RASA3: variants seen among roughly 807,000 people sequenced by gnomAD.
The protein encoded by RASA3 is RAS p21 protein activator 3, also known as ras GTPase-activating protein 3.
RASA3 carries 73 observed loss-of-function variants against 110.0 expected under a neutral mutation model. That is an observed-to-expected ratio of 0.66 (90% confidence interval 0.55 to 0.81). RASA3 has a LOEUF of 0.81. Among genes scored for constraint, RASA3 ranks in the 30% least tolerant of loss-of-function variants. The pLI is 0.00. For synonymous variants in RASA3, 500 were observed against 451.4 expected (o/e 1.11, Z -1.37); for missense variants, 976 against 1,113.2 (o/e 0.88, Z 1.75).
chr13:114,036,135 G>C (rs1176583584), intron 4 of RASA3: 1 of 152,242 alleles, frequency 6.6e-6, no homozygotes, highest in Admixed American at 6.5e-5. Context: ...CGGATGCCTC[G>C]CTGTCACAGG....
At chr13:114,099,299 C>A (rs538563592) in intron 1 of RASA3, among the ~76,000 whole-genome samples, 20 of 152,190 alleles carry the variant, frequency 1.3e-4, no homozygotes, top group African/African-American at 4.6e-4. Flanking sequence ...GAGGCCTGAG[C>A]CGGGGACGAA....
intron 2 of RASA3, among the ~76,000 whole-genome samples, chr13:114,063,843 T>C (rs916855167): frequency 6.6e-6 from 1 of 152,236 alleles, no homozygotes; most frequent in African/African-American, 2.4e-5. Context: ...CTTATAAATA[T>C]TTCTACAGTT....
intron 14 of RASA3, among the ~76,000 whole-genome samples, chr13:114,013,530 CTG>C (rs1224898453): frequency 1.4e-5 from 2 of 144,518 alleles, no homozygotes; most frequent in Non-Finnish European, 3.0e-5. Flanking sequence ...TCTCATCTCT[CTG>C]TCTCTCTCCC....
chr13:114,091,373 C>T (rs958138319), intron 1 of RASA3, among the ~76,000 whole-genome samples: 1 of 151,878 alleles, frequency 6.6e-6, no homozygotes, highest in African/African-American at 2.4e-5. Context: ...ACAGGCTCTA[C>T]CATTTTGAGG....
intron 21 of RASA3, 61 bp from the exon 22 acceptor site, chr13:113,992,649 A>C: frequency 8.1e-7 from 1 of 1,233,938 alleles, no homozygotes; most frequent in Non-Finnish European, 1.2e-6. Flanking sequence ...GCTTTTAATA[A>C]TGACATTCAT....
intron 2 of RASA3, among the ~76,000 whole-genome samples, chr13:114,053,030 TA>T: frequency 7.0e-6 from 1 of 142,280 alleles, no homozygotes; most frequent in East Asian, 2.1e-4. Context: ...TGACTGTGCT[TA>T]GAGTCCTGGC....
intron 18 of RASA3, among the ~76,000 whole-genome samples, chr13:114,001,868 C>T (rs1347698666): frequency 2.0e-5 from 3 of 152,268 alleles, no homozygotes; most frequent in African/African-American, 7.2e-5. Context: ...ACCAAACCTG[C>T]CCCCTCAGGG....
At chr13:114,043,863 G>GCA (rs1372627372) in intron 3 of RASA3, among the ~76,000 whole-genome samples, 1 of 5,968 alleles carries the variant, frequency 1.7e-4, no homozygotes, top group Admixed American at 2.1e-3. Flanking sequence ...CACTCGCTGA[G>GCA]CCCCCCCGCC....
intron 20 of RASA3, among the ~76,000 whole-genome samples, chr13:113,999,354 G>A (rs1334811425): frequency 6.6e-6 from 1 of 152,138 alleles, no homozygotes; most frequent in Non-Finnish European, 1.5e-5. Flanking sequence ...CTTCCGGCAG[G>A]TTCCACCCCA....
At chr13:114,023,867 A>C (rs1188771569) in intron 8 of RASA3, among the ~76,000 whole-genome samples, 1 of 152,248 alleles carries the variant, frequency 6.6e-6, no homozygotes, top group Non-Finnish European at 1.5e-5. Flanking sequence ...GAGGCCACCC[A>C]GCCGAGAGTT....
At chr13:114,045,941 G>A (rs1304303582) in intron 3 of RASA3, among the ~76,000 whole-genome samples, 3 of 71,114 alleles carry the variant, frequency 4.2e-5, no homozygotes, top group Admixed American at 1.5e-4. Flanking sequence ...AGACCCAAGC[G>A]TGTAAAGATA....
At chr13:114,090,273 T>C (rs1203237515) in intron 1 of RASA3, among the ~76,000 whole-genome samples, 1 of 152,248 alleles carries the variant, frequency 6.6e-6, no homozygotes, top group Non-Finnish European at 1.5e-5. Flanking sequence ...TTACCATGTC[T>C]CTACACCCTC....
intron 21 of RASA3, among the ~76,000 whole-genome samples, chr13:113,996,271 C>G (rs1011023239): frequency 2.1e-4 from 32 of 152,172 alleles, no homozygotes; most frequent in Non-Finnish European, 4.1e-4. Flanking sequence ...ACCTCCCGCT[C>G]CCCCGGGGCA....
intron 1 of RASA3, among the ~76,000 whole-genome samples, chr13:114,090,233 G>A (rs974378058): frequency 2.6e-5 from 4 of 152,202 alleles, no homozygotes; most frequent in Non-Finnish European, 4.4e-5. Flanking sequence ...CCAGGGCCGT[G>A]CCTTCACACC....
intron 1 of RASA3, chr13:114,077,976 A>T: frequency 1.0e-6 from 1 of 984,110 alleles, no homozygotes; most frequent in Non-Finnish European, 1.2e-6. Flanking sequence ...CCAACTGTTA[A>T]TAAAGCATTG....
chr13:114,060,479 C>T (rs564012344), intron 2 of RASA3, among the ~76,000 whole-genome samples: 48 of 152,320 alleles, frequency 3.2e-4, no homozygotes, highest in Middle Eastern at 3.4e-3. Context: ...CAAGGTGCAG[C>T]GGTCAGCCCG....
At chr13:114,040,836 G>A (rs963927510) in intron 4 of RASA3, among the ~76,000 whole-genome samples, 164 bp downstream of exon 4, 9 of 152,162 alleles carry the variant, frequency 5.9e-5, no homozygotes, top group African/African-American at 9.7e-5. Context: ...CGGAGCCCGC[G>A]CTCACTCCGA....
At chr13:114,087,216 CGGGG>C (rs2079831254) in intron 1 of RASA3, among the ~76,000 whole-genome samples, 3 of 74,532 alleles carry the variant, frequency 4.0e-5, no homozygotes, top group Non-Finnish European at 8.1e-5. Flanking sequence ...TTCGTCCTCG[CGGGG>C]AAATCACGGG....
At position 114,013,175 on chromosome 13, in the gene RASA3, G is replaced by T. The variant is rs766618156; in HGVS notation, c.1479C>A (p.Ser493=). 3 of 1,613,624 alleles carry T rather than the reference G, an allele frequency of 1.9e-6. No homozygotes were observed. The highest frequency in any genetic ancestry group is 2.5e-6 in the Non-Finnish European group (3 of 1,179,798). Residue 493 remains serine, a synonymous_variant, in exon 15 of 24, where the codon TCC becomes TCA. Transcript: ENST00000334062. ...FLRFFAPAIL[S]PNLFQLTPHH... is the part of the protein sequence containing the mutation. The stretch of plus-strand genomic sequence containing the variant: ...GCGGCGTGAGCTGGAAGAGGTTGGG[G>T]GAGAGAATGGCGGGCGCAAAGAACC...
Sources: gnomAD v4.1 joint callset for allele counts (sites outside exome capture counted in the v4.1 genomes callset) on GRCh38, gnomAD v4.1.1 for gene constraint, MANE v1.5 for transcripts, NCBI Gene and HGNC (gene_info 2026-07-23, HGNC 2026-07-21) for gene names.